Variants in PLAC8 observed in about 807,000 individuals in gnomAD.
The protein encoded by PLAC8 is placenta-specific gene 8 protein.
In PLAC8, 6 loss-of-function variants were observed where a neutral mutation model predicts 12.6. That is an observed-to-expected ratio of 0.48 (90% CI 0.26 to 0.94). The LOEUF (loss-of-function observed/expected upper bound fraction) is 0.94. Ranked by LOEUF, PLAC8 falls within the 40% of genes least tolerant of loss-of-function variation. PLAC8 has a pLI of 0.14. For synonymous variants in PLAC8, 54 were observed against 52.6 expected (o/e 1.03, Z -0.11); for missense variants, 122 against 152.7 (o/e 0.80, Z 1.06).
intron 2 of PLAC8, among the ~76,000 whole-genome samples, chr4:83,107,225 A>AC (rs1378676615): frequency 8.9e-5 from 5 of 56,014 alleles, no homozygotes; most frequent in African/African-American, 1.3e-4. Flanking sequence ...AAAAAAAACA[A>AC]AAAAAAAAAC....
At chr4:83,098,001 G>C (rs965792274) in intron 3 of PLAC8, among the ~76,000 whole-genome samples, 1 of 151,950 alleles carries the variant, frequency 6.6e-6, no homozygotes, top group Non-Finnish European at 1.5e-5. Context: ...CAGGACTGCA[G>C]GTGCGCGCCA....
At position 83,090,690 on chromosome 4, in the gene PLAC8, A is replaced by T. The variant is rs990353687; in HGVS notation, c.*291T>A. ...AGAGCAAAGAAGCATGAAGAATCTT[A>T]TCAGTAAAATATTTCATTTGGTTTA... is the stretch of plus-strand genomic sequence containing the variant. On this transcript the variant is annotated 3_prime_UTR_variant, in exon 5 of 5. Transcript: ENST00000311507. 1 of 152,056 alleles carries T rather than the reference A, an allele frequency of 6.6e-6. No individual in the cohort carries two copies. Among genetic ancestry groups the T allele is most frequent in the African/African-American group, 2.4e-5 (1 of 41,438 alleles). 9.4% of individuals were successfully genotyped at this position (152,056 alleles called of 1,614,324 possible).
chr4:83,105,619 T>A (rs749824701), intron 2 of PLAC8, among the ~76,000 whole-genome samples: 1 of 152,180 alleles, frequency 6.6e-6, no homozygotes, highest in Non-Finnish European at 1.5e-5. Flanking sequence ...GGGGACCAGA[T>A]GATGAAAAAC....
At chr4:83,104,341 G>A (rs10015398) in intron 3 of PLAC8, among the ~76,000 whole-genome samples, 59,464 of 151,784 alleles carry the variant, frequency 0.39, 11,825 homozygotes, top group Middle Eastern at 0.47. Context: ...ATATATATAT[G>A]TGTGTATACA....
At chr4:83,107,742 G>A (rs1164993370) in intron 2 of PLAC8, 62 bp downstream of exon 2, 1 of 883,792 alleles carries the variant, frequency 1.1e-6, no homozygotes, top group Non-Finnish European at 1.7e-6. Context: ...ATGGGGGAAG[G>A]ATTGAGTCAT....
At chr4:83,105,069 A>G in intron 2 of PLAC8, 49 bp from the exon 3 acceptor site, 1 of 1,610,856 alleles carries the variant, frequency 6.2e-7, no homozygotes, top group African/African-American at 1.3e-5. Flanking sequence ...TGCCCCTGCC[A>G]CAGCTGAAAG....
At chr4:83,104,771 G>GCA (rs1732194861) in intron 3 of PLAC8, 125 bp downstream of exon 3, 1 of 1,019,866 alleles carries the variant, frequency 9.8e-7, no homozygotes, top group Non-Finnish European at 1.5e-6. Context: ...ATGCAAGATT[G>GCA]CACATGCTAG....
intron 2 of PLAC8, among the ~76,000 whole-genome samples, chr4:83,107,450 T>A (rs1215141719): frequency 1.3e-5 from 2 of 151,916 alleles, no homozygotes; most frequent in Non-Finnish European, 2.9e-5. Context: ...TCTAAAAAAA[T>A]CAAGTTCAAC....
chr4:83,105,397 C>T (rs1732210605), intron 2 of PLAC8, among the ~76,000 whole-genome samples: 1 of 152,214 alleles, frequency 6.6e-6, no homozygotes, highest in Admixed American at 6.5e-5. Flanking sequence ...GTTTGAAATA[C>T]CAACAGGTCA....
intron 1 of PLAC8, among the ~76,000 whole-genome samples, chr4:83,109,539 C>G (rs1454153730): frequency 5.9e-5 from 9 of 152,176 alleles, no homozygotes; most frequent in Non-Finnish European, 1.0e-4. Flanking sequence ...GGTGGAGGAG[C>G]CCCTGTTGAG....
At chr4:83,101,494 A>T (rs1732100926) in intron 3 of PLAC8, among the ~76,000 whole-genome samples, 1 of 152,266 alleles carries the variant, frequency 6.6e-6, no homozygotes, top group East Asian at 1.9e-4. Context: ...ACATAAAAGC[A>T]CAAGGCGAAG....
intron 1 of PLAC8, among the ~76,000 whole-genome samples, chr4:83,112,089 G>T (rs937930699): frequency 5.9e-5 from 9 of 151,646 alleles, no homozygotes; most frequent in African/African-American, 2.2e-4. Context: ...CAGGAGAATC[G>T]CTTGAACCCA....
At chr4:83,095,324 T>C (rs1363964996) in intron 3 of PLAC8, among the ~76,000 whole-genome samples, 1 of 152,146 alleles carries the variant, frequency 6.6e-6, no homozygotes, top group East Asian at 1.9e-4. Flanking sequence ...TGATAAAACA[T>C]CTATGTGTTG....
intron 3 of PLAC8, among the ~76,000 whole-genome samples, chr4:83,103,580 A>G (rs1221927757): frequency 6.6e-6 from 1 of 152,218 alleles, no homozygotes; most frequent in Non-Finnish European, 1.5e-5. Context: ...TGTAGGTAAA[A>G]TGCTACCAAA....
chr4:83,104,898 G>A lies in PLAC8; in HGVS notation c.241C>T (p.Pro81Ser). 4 of 1,613,924 alleles carry A rather than the reference G, an allele frequency of 2.5e-6. No homozygotes were observed. Among genetic ancestry groups the A allele is most frequent in the Non-Finnish European group, 3.4e-6 (4 of 1,179,892 alleles). The change falls in exon 3 of 5, where the codon CCT (proline) becomes TCT (serine). Residue 81 changes from proline (P) to serine (S), a missense_variant and splice_region_variant. Physicochemically the swap from Pro to Ser is moderately conservative, Grantham distance 74 (BLOSUM62 -1). Transcript: ENST00000311507. ...RTLYRTRYGI[P>S]GSICDDYMAT... Reference sequence around the variant, plus strand: ...AGATGGTATGGTAAGAGACTCACAGGGATGCCATATCGGGTCCTGTAGAGA... The same window carrying A: ...AGATGGTATGGTAAGAGACTCACAGAGATGCCATATCGGGTCCTGTAGAGA...
rs1345712090 is a variant in PLAC8 at position 83,099,817 on chromosome 4, G to A, written c.244-5026C>T. On this transcript the variant is annotated intron_variant, in intron 3 of 4. Transcript: ENST00000311507. ...TCTAGACCATCCTGGCCAACATGGTGAAACCCCATCTCTACTAAAAATACA... is the reference window on the plus strand; with the variant it reads ...TCTAGACCATCCTGGCCAACATGGTAAAACCCCATCTCTACTAAAAATACA... Among the ~76,000 whole-genome samples, 3 of 131,364 alleles carry A rather than the reference G, an allele frequency of 2.3e-5. No homozygotes were observed. In the East Asian group the frequency reaches 6.1e-4, roughly 27 times the overall value. 86.2% of individuals were successfully genotyped at this position (131,364 alleles called of 152,430 possible). A position where few individuals can be genotyped will look rare whatever the true frequency, so the allele number is the denominator to read the frequency against.
chr4:83,113,508 C>G (rs1399669594), intron 1 of PLAC8, among the ~76,000 whole-genome samples: 1 of 152,124 alleles, frequency 6.6e-6, no homozygotes, highest in Non-Finnish European at 1.5e-5. Context: ...TTATTGAGTG[C>G]CAGGGTGTGT....
intron 3 of PLAC8, among the ~76,000 whole-genome samples, chr4:83,101,021 G>A (rs961118935): frequency 2.0e-5 from 3 of 152,180 alleles, no homozygotes; most frequent in African/African-American, 7.2e-5. Flanking sequence ...ATTCCCATAA[G>A]TCAAAGCCTA....
At chr4:83,112,657 T>C (rs1732450686) in intron 1 of PLAC8, among the ~76,000 whole-genome samples, 1 of 152,210 alleles carries the variant, frequency 6.6e-6, no homozygotes, top group Admixed American at 6.5e-5. Flanking sequence ...GATATCTTAT[T>C]CAAAGAAATA....
Sources: gnomAD v4.1 joint callset for allele counts (sites outside exome capture counted in the v4.1 genomes callset) on GRCh38, gnomAD v4.1.1 for gene constraint, MANE v1.5 for transcripts, NCBI Gene and HGNC (gene_info 2026-07-23, HGNC 2026-07-21) for gene names.